The following ROR1 variants were observed in gnomAD, a reference collection of about 807,000 sequenced individuals.
ROR1 encodes inactive tyrosine-protein kinase transmembrane receptor ROR1.
ROR1 carries 19 observed loss-of-function variants against 78.8 expected under a neutral mutation model. The observed-to-expected ratio is 0.24, with a 90% confidence interval of 0.17 to 0.35. The LOEUF (loss-of-function observed/expected upper bound fraction) is 0.35, where lower values mean the gene tolerates loss of function less well. Among genes scored for constraint, ROR1 ranks in the 10% least tolerant of loss-of-function variants. The pLI, the probability that ROR1 is intolerant of heterozygous loss-of-function variation, is 1.00. For missense variants in ROR1, 917 were observed against 1,177.8 expected (o/e 0.78, Z 3.24); for synonymous variants, 386 against 433.6 (o/e 0.89, Z 1.36).
intron 1 of ROR1, among the ~76,000 whole-genome samples, chr1:63,992,181 A>G (rs1308338426): frequency 3.4e-5 from 5 of 148,730 alleles, no homozygotes; most frequent in African/African-American, 9.9e-5. Flanking sequence ...GAATAGGTTA[A>G]TTATTATTAT....
chr1:63,918,919 C>T (rs1645631563), intron 1 of ROR1, among the ~76,000 whole-genome samples: 1 of 152,180 alleles, frequency 6.6e-6, no homozygotes, highest in Non-Finnish European at 1.5e-5. Context: ...ATACCTTTAA[C>T]CATTCATCTT....
At chr1:64,083,894 T>C (rs1184195756) in intron 4 of ROR1, among the ~76,000 whole-genome samples, 1 of 152,212 alleles carries the variant, frequency 6.6e-6, no homozygotes, top group Non-Finnish European at 1.5e-5. Context: ...GTGAGCATAC[T>C]GTTATTCCTT....
At chr1:64,122,766 C>A (rs192174604) in intron 4 of ROR1, among the ~76,000 whole-genome samples, 1 of 152,296 alleles carries the variant, frequency 6.6e-6, no homozygotes, top group African/African-American at 2.4e-5. Context: ...AGGCTCACAT[C>A]TCTAGCTCCT....
chr1:63,890,864 C>T (rs1244625598), intron 1 of ROR1, among the ~76,000 whole-genome samples: 1 of 152,136 alleles, frequency 6.6e-6, no homozygotes, highest in Non-Finnish European at 1.5e-5. Flanking sequence ...CAAATGTTGT[C>T]TACGGCCATA....
intron 1 of ROR1, among the ~76,000 whole-genome samples, chr1:63,939,030 T>C (rs754083606): frequency 3.6e-4 from 54 of 152,086 alleles, no homozygotes; most frequent in Non-Finnish European, 4.3e-4. Context: ...AAAATTGGAA[T>C]TTTACTAAGG....
At chr1:63,790,165 T>C (rs1644717024) in intron 1 of ROR1, among the ~76,000 whole-genome samples, 1 of 152,338 alleles carries the variant, frequency 6.6e-6, no homozygotes, top group African/African-American at 2.4e-5. Context: ...GTAATGACTA[T>C]TTTTTGGGAT....
At chr1:64,110,026 T>A (rs186313024) in intron 4 of ROR1, among the ~76,000 whole-genome samples, 2 of 152,268 alleles carry the variant, frequency 1.3e-5, no homozygotes, top group Admixed American at 1.3e-4. Flanking sequence ...TCACATGACC[T>A]CCTCTGCACA....
chr1:63,926,163 C>T (rs1336743620), intron 1 of ROR1, among the ~76,000 whole-genome samples: 1 of 151,626 alleles, frequency 6.6e-6, no homozygotes, highest in South Asian at 2.1e-4. Flanking sequence ...ACGTTTAAGT[C>T]TTTAATCCAT....
chr1:63,901,668 A>G (rs1052779667), intron 1 of ROR1, among the ~76,000 whole-genome samples: 16 of 151,472 alleles, frequency 1.1e-4, no homozygotes, highest in Non-Finnish European at 1.9e-4. Context: ...TCTCTTTATT[A>G]ATTTTTTTTT....
intron 1 of ROR1, among the ~76,000 whole-genome samples, chr1:63,839,152 C>T (rs1645034862): frequency 6.6e-6 from 1 of 151,966 alleles, no homozygotes; most frequent in Non-Finnish European, 1.5e-5. Flanking sequence ...TTACTTGTAC[C>T]CTCTGTTTAG....
chr1:63,926,968 G>C (rs1645710127), intron 1 of ROR1, among the ~76,000 whole-genome samples: 1 of 47,400 alleles, frequency 2.1e-5, no homozygotes, highest in African/African-American at 4.9e-5. Flanking sequence ...GGGACAATTT[G>C]ACTTCCTCTT....
At chr1:64,146,297 G>A (rs1432934699) in intron 7 of ROR1, among the ~76,000 whole-genome samples, 1 of 152,158 alleles carries the variant, frequency 6.6e-6, no homozygotes, top group African/African-American at 2.4e-5. Context: ...CCAACATGGT[G>A]AAACCCCGTC....
chr1:64,179,336 T>C lies in ROR1; in HGVS notation c.*481T>C, dbSNP rs1650488899. 1 of 153,414 alleles carries C rather than the reference T, an allele frequency of 6.5e-6. No individual in the cohort carries two copies. The highest frequency in any genetic ancestry group is 1.4e-5 in the Non-Finnish European group (1 of 68,986). 9.5% of individuals were successfully genotyped at this position (153,414 alleles called of 1,614,324 possible). On this transcript the variant is annotated 3_prime_UTR_variant, in exon 9 of 9. Coordinates refer to ENST00000371079, the MANE Select transcript of ROR1 (RefSeq NM_005012.4). ...ATTGATTGAATTTAGACTCTGTGCA[T>C]GTTCTTATGGAAATGATGTTCAGAA...
chr1:64,177,325 G>A (rs987092755), intron 8 of ROR1, 103 bp from the exon 9 acceptor site: 9 of 858,590 alleles, frequency 1.0e-5, no homozygotes, highest in Non-Finnish European at 1.3e-5. Flanking sequence ...TATTGAATTT[G>A]TTTATAGAAC....
chr1:64,172,908 G>T (rs1334118551), intron 8 of ROR1, among the ~76,000 whole-genome samples: 3 of 152,122 alleles, frequency 2.0e-5, no homozygotes, highest in Admixed American at 1.3e-4. Context: ...AGCCTAAAGG[G>T]TTTGTATAAT....
At position 64,023,143 on chromosome 1, in the gene ROR1, G is replaced by T. The variant is rs534744802; in HGVS notation, c.163+13767G>T. 4.6e-5 allele frequency among the ~76,000 whole-genome samples: 7 copies of T among 152,186 alleles called. No homozygotes were observed. In the South Asian group the frequency reaches 1.5e-3, roughly 32 times the overall value. The stretch of plus-strand genomic sequence containing the variant: ...TAGAATCAGACTTTTGTGCTGGATC[G>T]CAGGTAAACCCTGGGTAGACCTTGA... On this transcript the variant is annotated intron_variant, in intron 2 of 8. Coordinates refer to ENST00000371079, the MANE Select transcript of ROR1 (RefSeq NM_005012.4).
intron 8 of ROR1, chr1:64,171,147 T>A (rs1207308627): frequency 5.9e-6 from 1 of 168,744 alleles, no homozygotes; most frequent in African/African-American, 2.4e-5. Flanking sequence ...ATTAGTCCAT[T>A]TTCACACTGC....
At chr1:64,105,609 A>G (rs1412168970) in intron 4 of ROR1, 1 of 152,192 alleles carries the variant, frequency 6.6e-6, no homozygotes, top group Non-Finnish European at 1.5e-5. Flanking sequence ...TAAGTCTTTA[A>G]TCCATCCTAA....
intron 1 of ROR1, among the ~76,000 whole-genome samples, chr1:63,935,550 G>A (rs893766829): frequency 6.6e-6 from 1 of 152,176 alleles, no homozygotes; most frequent in African/African-American, 2.4e-5. Flanking sequence ...TTACCACATG[G>A]TTTTTAAATT....
Sources: allele counts gnomAD v4.1 joint callset (sites outside exome capture counted in the v4.1 genomes callset), GRCh38; gene constraint gnomAD v4.1.1; transcripts MANE v1.5; gene names NCBI Gene and HGNC (gene_info 2026-07-23, HGNC 2026-07-21).